Variants in QSER1 observed in about 807,000 individuals in gnomAD.
QSER1 encodes the protein glutamine and serine-rich protein 1.
Under a neutral mutation model 158.5 loss-of-function variants are expected in QSER1, and 49 were observed. The observed-to-expected ratio is 0.31, with a 90% CI of 0.25 to 0.39. The LOEUF is 0.39. Among genes scored for constraint, QSER1 ranks in the 10% least tolerant of loss-of-function variants. The probability of loss-of-function intolerance (pLI) is 1.00; values close to 1 mark genes in which losing one functional copy is unlikely to be tolerated. For synonymous variants in QSER1, 650 were observed against 715.5 expected (o/e 0.91, Z 1.46); for missense variants, 1,754 against 2,010.3 (o/e 0.87, Z 2.44).
intron 1 of QSER1, among the ~76,000 whole-genome samples, chr11:32,910,122 T>C (rs1191545488): frequency 6.6e-6 from 1 of 152,240 alleles, no homozygotes; most frequent in Non-Finnish European, 1.5e-5. Flanking sequence ...TCAGCTTCTC[T>C]ATGTTCCAGA....
chr11:32,964,117 C>T (rs988466150), intron 8 of QSER1, among the ~76,000 whole-genome samples: 2 of 152,108 alleles, frequency 1.3e-5, no homozygotes, highest in Admixed American at 6.6e-5. Flanking sequence ...GTACTACAGG[C>T]GCATGCCACC....
At chr11:32,964,186 G>A (rs761421471) in intron 8 of QSER1, among the ~76,000 whole-genome samples, 6 of 151,812 alleles carry the variant, frequency 4.0e-5, no homozygotes, top group African/African-American at 7.3e-5. Context: ...TATTGCCTGG[G>A]CTGGTCTTGA....
chr11:32,898,343 G>A (rs550294120), intron 1 of QSER1, among the ~76,000 whole-genome samples: 14 of 152,198 alleles, frequency 9.2e-5, no homozygotes, highest in African/African-American at 2.4e-4. Flanking sequence ...AAAATTAGCC[G>A]TGCATGGTGG....
intron 4 of QSER1, among the ~76,000 whole-genome samples, chr11:32,942,521 T>C (rs993479631): frequency 5.3e-5 from 8 of 151,396 alleles, no homozygotes; most frequent in Admixed American, 4.0e-4. Flanking sequence ...TTTCTCAGGT[T>C]TGTCAAAGAT....
chr11:32,961,567 TCCAAAACTTTTATCATC>T (rs1852625800), intron 8 of QSER1, among the ~76,000 whole-genome samples: 1 of 152,200 alleles, frequency 6.6e-6, no homozygotes, highest in Non-Finnish European at 1.5e-5. Flanking sequence ...CACCTATATT[TCCAAAACTTTTATCATC>T]CCAAACAGAA....
chr11:32,902,643 C>G (rs904243058), intron 1 of QSER1, among the ~76,000 whole-genome samples: 4 of 152,138 alleles, frequency 2.6e-5, no homozygotes, highest in African/African-American at 9.7e-5. Flanking sequence ...GTTTAGGAGT[C>G]TGACTGGACA....
In QSER1 at chr11:32,935,229, C is replaced by T; in HGVS notation, c.3971C>T (p.Pro1324Leu). ...TTTTGTCCCCCACCACTTCCCAAGC[C>T]TTCATCTACAACACCCACACCTTTA... is the stretch of plus-strand genomic sequence containing the variant. ...RTFCPPPLPK[P>L]SSTTPTPLVS... The change falls in exon 4 of 13, where the codon CCT becomes CTT. Residue 1324 changes from proline (P) to leucine (L), a missense_variant. Pro to Leu is a moderately conservative substitution (Grantham distance 98, BLOSUM62 -3). This residue lies in a region of QSER1 where 1,707 missense variants were observed against 1,919.6 expected (regional missense o/e 0.89). Coordinates refer to ENST00000650167, the MANE Select transcript of QSER1 (RefSeq NM_001076786.3). 1 of 1,613,986 alleles carries T rather than the reference C, an allele frequency of 6.2e-7. No individual in the cohort carries two copies. Among genetic ancestry groups the T allele is most frequent in the Non-Finnish European group, 8.5e-7 (1 of 1,179,912 alleles).
In QSER1 at chr11:32,979,321, T is replaced by C. The variant is rs966690123; in HGVS notation, c.*2847T>C. ...CCCAGGAAAGTATTTTTAAGAAAGA[T>C]TGGATTTTCCTACCTTTAGAGATCT... On this transcript the variant is annotated 3_prime_UTR_variant, in exon 13 of 13. Coordinates refer to ENST00000650167, the MANE Select transcript of QSER1 (RefSeq NM_001076786.3). 5 of 152,760 alleles carry C rather than the reference T, an allele frequency of 3.3e-5. No homozygotes were observed. Among genetic ancestry groups the C allele is most frequent in the African/African-American group, 1.2e-4 (5 of 41,578 alleles). 9.5% of individuals were successfully genotyped at this position (152,760 alleles called of 1,614,324 possible).
At chr11:32,948,172 A>G (rs1467592664) in intron 4 of QSER1, among the ~76,000 whole-genome samples, 1 of 152,246 alleles carries the variant, frequency 6.6e-6, no homozygotes, top group African/African-American at 2.4e-5. Flanking sequence ...AACTGAAATG[A>G]CAAACTAATT....
Position 32,958,006 on chromosome 11 carries a change from G to A in QSER1, c.4889G>A (p.Arg1630Gln), listed in dbSNP as rs754024396. 35 of 1,613,840 alleles carry A rather than the reference G, an allele frequency of 2.2e-5. No homozygotes were observed. The highest frequency in any genetic ancestry group is 4.4e-5 in the South Asian group (4 of 91,072). The change falls in exon 8 of 13, where the codon CGG becomes CAG. Residue 1630 changes from arginine to glutamine, a missense_variant. By Grantham distance (43) the Arg-to-Gln change is conservative. This residue lies in a region of QSER1 where 1,707 missense variants were observed against 1,919.6 expected (regional missense o/e 0.89). Coordinates refer to ENST00000650167, the MANE Select transcript of QSER1 (RefSeq NM_001076786.3). ...KVKAEPPPKK[R>Q]KKWKEEFSSS... Reference sequence around the variant, plus strand: ...AAGGCTGAGCCACCACCAAAGAAACGGAAAAAATGGAAAGAAGAATTTTCA... The same window carrying A: ...AAGGCTGAGCCACCACCAAAGAAACAGAAAAAATGGAAAGAAGAATTTTCA...
chr11:32,952,227 GT>G (rs1186663277), intron 4 of QSER1, among the ~76,000 whole-genome samples: 46 of 152,306 alleles, frequency 3.0e-4, no homozygotes, highest in African/African-American at 1.1e-3. Context: ...AGCATATACA[GT>G]TTTCACCACT....
At chr11:32,925,659 C>G (rs1036842857) in intron 1 of QSER1, among the ~76,000 whole-genome samples, 1 of 151,946 alleles carries the variant, frequency 6.6e-6, no homozygotes, top group Non-Finnish European at 1.5e-5. Context: ...TCCAGAGTAG[C>G]TGAAATTCGA....
At chr11:32,965,098 A>G (rs1181030888) in intron 8 of QSER1, among the ~76,000 whole-genome samples, 1 of 151,920 alleles carries the variant, frequency 6.6e-6, no homozygotes, top group East Asian at 1.9e-4. Context: ...TTACATTAAA[A>G]TGATTTTTTT....
rs745682348 is a variant in QSER1, at chr11:32,932,770, A to G, written c.1512A>G (p.Thr504=). The G allele has an allele frequency of 5.6e-6, 9 of 1,613,948 alleles. No individual in the cohort carries two copies. The highest frequency in any genetic ancestry group is 1.6e-4 in the Middle Eastern group (1 of 6,082). ...KVEKLPPLYK[T]LTFSGSSQTV... ...AGAAATTGCCACCCTTGTATAAAAC[A>G]TTGACTTTTTCTGGGTCATCTCAGA... The change falls in exon 4 of 13, where the codon ACA becomes ACG. Residue 504 remains threonine (T), a synonymous_variant. Coordinates refer to ENST00000650167, the MANE Select transcript of QSER1 (RefSeq NM_001076786.3).
At chr11:32,931,480 C>T (rs1384004031) in intron 3 of QSER1, among the ~76,000 whole-genome samples, 2 of 151,614 alleles carry the variant, frequency 1.3e-5, no homozygotes, top group Non-Finnish European at 2.9e-5. Flanking sequence ...TGGGACACTG[C>T]GGCTGCAGTG....
chr11:32,977,676 C>G lies in QSER1; in HGVS notation c.*1202C>G, dbSNP rs1173266704. On this transcript the variant is annotated 3_prime_UTR_variant, in exon 13 of 13. Transcript: ENST00000650167. Reference sequence around the variant, plus strand: ...TTCTTAGGTTTGATAGGTAGCGTTTCAAGTAGTTTAGCTGAGACAGTGAAT... The same window carrying G: ...TTCTTAGGTTTGATAGGTAGCGTTTGAAGTAGTTTAGCTGAGACAGTGAAT... The G allele has an allele frequency of 6.6e-6, 1 of 152,548 alleles. No homozygotes were observed. The highest frequency in any genetic ancestry group is 2.4e-5 in the African/African-American group (1 of 41,432). 9.4% of individuals were successfully genotyped at this position (152,548 alleles called of 1,614,324 possible).
chr11:32,921,486 C>T (rs181489971), intron 1 of QSER1, among the ~76,000 whole-genome samples: 5 of 152,198 alleles, frequency 3.3e-5, no homozygotes, highest in African/African-American at 9.6e-5. Flanking sequence ...AAAAGGGTGA[C>T]CTTTATGGTA....
chr11:32,903,940 A>C (rs1256118931), intron 1 of QSER1, among the ~76,000 whole-genome samples: 1 of 152,012 alleles, frequency 6.6e-6, no homozygotes, highest in Non-Finnish European at 1.5e-5. Flanking sequence ...CCCTAATTCA[A>C]ATGAGACTAC....
chr11:32,953,089 CCGTGCATGGCCCCAATCT>C (rs1329499925), intron 4 of QSER1, among the ~76,000 whole-genome samples: 1 of 152,050 alleles, frequency 6.6e-6, no homozygotes, highest in Non-Finnish European at 1.5e-5. Context: ...GTGTGAGCCA[CCGTGCATGGCCCCAATCT>C]TTTTTAGTAT....
Sources: allele counts gnomAD v4.1 joint callset (sites outside exome capture counted in the v4.1 genomes callset), GRCh38; gene constraint gnomAD v4.1.1; regional missense constraint gnomAD v4.1.1; transcripts MANE v1.5; gene names NCBI Gene and HGNC (gene_info 2026-07-23, HGNC 2026-07-21).